The following EMC2 variants were observed in gnomAD, a reference collection of about 807,000 sequenced individuals.
The protein encoded by EMC2 is ER membrane protein complex subunit 2, also known as TPR repeat protein 35.
A neutral mutation model predicts 51.6 loss-of-function variants in EMC2; 37 were observed. The ratio of observed to expected loss-of-function variants is 0.72; its 90% CI spans 0.55 to 0.94. The LOEUF (loss-of-function observed/expected upper bound fraction) is 0.94, where lower values mean the gene tolerates loss of function less well. EMC2 is among the 40% of genes least tolerant of loss of function. The pLI is 0.00. For missense variants in EMC2, 359 were observed against 350.9 expected (o/e 1.02, Z -0.18); for synonymous variants, 131 against 112.4 (o/e 1.17, Z -1.04).
At chr8:108,449,126 T>C (rs1818951260) in intron 1 of EMC2, among the ~76,000 whole-genome samples, 1 of 152,178 alleles carries the variant, frequency 6.6e-6, no homozygotes, top group Non-Finnish European at 1.5e-5. Flanking sequence ...TTTTTCAACC[T>C]TTAAGAGACA....
chr8:108,472,456 GATA>G (rs1407988853), intron 7 of EMC2, among the ~76,000 whole-genome samples: 1 of 151,096 alleles, frequency 6.6e-6, no homozygotes, highest in Admixed American at 6.6e-5. Context: ...TAGAGAAAAT[GATA>G]ATTATGGTCA....
intron 10 of EMC2, among the ~76,000 whole-genome samples, chr8:108,481,202 G>A (rs1408388953): frequency 6.6e-6 from 1 of 152,012 alleles, no homozygotes; most frequent in Non-Finnish European, 1.5e-5. Context: ...TTTGTTGTTC[G>A]TTTTTGCCCT....
In EMC2 at chr8:108,456,033, AATTTTTAATTAAAAAATATTTTT is replaced by A. The variant is rs1238525088; in HGVS notation, c.363+114_363+136del. 9 of 363,166 alleles carry A rather than the reference AATTTTTAATTAAAAAATATTTTT, an allele frequency of 2.5e-5. 1 individual carries two copies. The highest frequency in any genetic ancestry group is 4.3e-5 in the African/African-American group (2 of 46,194). The allele number at this position is 363,166 out of a possible 1,614,324, so 22.5% of individuals were successfully genotyped here. A position where few individuals can be genotyped will look rare whatever the true frequency, so the allele number is the denominator to read the frequency against. On this transcript the variant is annotated intron_variant, in intron 5 of 10. Transcript: ENST00000220853. ...ATAAGGAACTAGGTCTTATATTTTT[AATTTTTAATTAAAAAATATTTTT>A]ATTTTTAATTTTAAATAGTTCATGA...
intron 3 of EMC2, 83 bp from the exon 4 acceptor site, chr8:108,452,979 A>G: frequency 1.9e-6 from 1 of 525,584 alleles, no homozygotes; most frequent in Non-Finnish European, 3.3e-6. Flanking sequence ...ATTCAAGAAG[A>G]CACATTGAAG....
At chr8:108,468,697 A>G (rs1474486665) in intron 5 of EMC2, among the ~76,000 whole-genome samples, 2 of 152,210 alleles carry the variant, frequency 1.3e-5, no homozygotes, top group Admixed American at 6.5e-5. Context: ...CTTGTGGAAT[A>G]TTATATCAAC....
chr8:108,478,936 C>T (rs990269550), intron 9 of EMC2, 70 bp from the exon 10 acceptor site: 21 of 696,334 alleles, frequency 3.0e-5, no homozygotes, highest in Non-Finnish European at 4.1e-5. Flanking sequence ...GCAACCATGT[C>T]CCTTATGTTT....
At chr8:108,470,593 T>TA (rs1489238671) in intron 7 of EMC2, among the ~76,000 whole-genome samples, 1 of 152,128 alleles carries the variant, frequency 6.6e-6, no homozygotes, top group African/African-American at 2.4e-5. Flanking sequence ...GTTGCCTGGG[T>TA]AAAAAACTGA....
intron 5 of EMC2, among the ~76,000 whole-genome samples, chr8:108,468,540 C>T (rs888773698): frequency 2.0e-5 from 3 of 151,924 alleles, no homozygotes; most frequent in African/African-American, 7.3e-5. Context: ...ATATTATAAA[C>T]ATTGCTCTGA....
At chr8:108,456,520 A>G (rs1298324908) in intron 5 of EMC2, among the ~76,000 whole-genome samples, 2 of 152,086 alleles carry the variant, frequency 1.3e-5, no homozygotes, top group South Asian at 2.1e-4. Context: ...AGCCATTTCA[A>G]TAATTAGTAT....
chr8:108,469,974 A>G, intron 6 of EMC2, 63 bp downstream of exon 6: 1 of 1,536,034 alleles, frequency 6.5e-7, no homozygotes, highest in Non-Finnish European at 9.0e-7. Flanking sequence ...ATTAAAATGG[A>G]ATTTGCATTT....
Position 108,455,903 on chromosome 8 carries a change from G to T in EMC2, c.336G>T (p.Arg112Ser). 1 of 1,370,058 alleles carries T rather than the reference G, an allele frequency of 7.3e-7. No individual in the cohort carries two copies. The highest frequency in any genetic ancestry group is 1.4e-5 in the South Asian group (1 of 70,164). 84.9% of individuals were successfully genotyped at this position (1,370,058 alleles called of 1,614,324 possible). A position where few individuals can be genotyped will look rare whatever the true frequency, so the allele number is the denominator to read the frequency against. The change falls in exon 5 of 11, where the codon AGG becomes AGT. Residue 112 changes from arginine to serine, a missense_variant. Transcript: ENST00000220853. The part of the protein sequence containing the change: ...RYDDAIQLYD[R>S]ILQEDPTNTA... ...ATGATGCTATACAGCTATATGATAG[G>T]ATTTTACAAGAAGATCCAACTAACA...
In EMC2 at chr8:108,460,193, A is replaced by G. The variant is rs369474088; in HGVS notation, c.363+4263A>G. On this transcript the variant is annotated intron_variant, in intron 5 of 10. Coordinates refer to ENST00000220853, the MANE Select transcript of EMC2 (RefSeq NM_014673.5). ...TTAAAAATCGATGGAATTTAAGTCA[A>G]TTTTGGAATTAGGAGTACAATATTT... Among the ~76,000 whole-genome samples the G allele has an allele frequency of 8.5e-5, 13 of 152,360 alleles. No individual in the cohort carries two copies. In the East Asian group the frequency reaches 9.6e-4, roughly 11 times the overall value.
chr8:108,451,096 T>C (rs1307245179), intron 3 of EMC2, among the ~76,000 whole-genome samples: 1 of 151,526 alleles, frequency 6.6e-6, no homozygotes, highest in Non-Finnish European at 1.5e-5. Context: ...CCAGCTACTC[T>C]GGGGGCTGAG....
chr8:108,453,251 T>C, intron 4 of EMC2, 104 bp downstream of exon 4: 1 of 494,270 alleles, frequency 2.0e-6, no homozygotes, highest in Non-Finnish European at 3.6e-6. Flanking sequence ...GAATACTGTC[T>C]CAATATGGCT....
intron 3 of EMC2, 40 bp downstream of exon 3, chr8:108,450,532 C>T (rs779782870): frequency 4.4e-6 from 5 of 1,147,598 alleles, no homozygotes; most frequent in East Asian, 4.7e-5. Flanking sequence ...TTTGCTTCAT[C>T]AATTGTATAC....
At chr8:108,470,521 A>G (rs183466333) in intron 7 of EMC2, among the ~76,000 whole-genome samples, 15 of 152,272 alleles carry the variant, frequency 9.9e-5, no homozygotes, top group Admixed American at 3.9e-4. Context: ...AATTCTGTCA[A>G]TTGTATGCAT....
intron 3 of EMC2, among the ~76,000 whole-genome samples, chr8:108,450,752 C>T (rs1198620528): frequency 6.6e-6 from 1 of 152,116 alleles, no homozygotes; most frequent in African/African-American, 2.4e-5. Flanking sequence ...GTGACTTATC[C>T]TATTTTATAG....
chr8:108,449,337 G>A (rs373627719), intron 1 of EMC2, among the ~76,000 whole-genome samples: 32 of 150,462 alleles, frequency 2.1e-4, no homozygotes, highest in East Asian at 9.8e-4. Context: ...GCAGTGGCAC[G>A]ATCTCGGCTC....
intron 7 of EMC2, chr8:108,474,551 G>A (rs1484356344): frequency 2.9e-5 from 2 of 70,128 alleles, no homozygotes; most frequent in Non-Finnish European, 2.6e-5. Flanking sequence ...TCTTGGATGA[G>A]AGTACACACA....
Sources: allele counts gnomAD v4.1 joint callset (sites outside exome capture counted in the v4.1 genomes callset), GRCh38; gene constraint gnomAD v4.1.1; transcripts MANE v1.5; gene names NCBI Gene and HGNC (gene_info 2026-07-23, HGNC 2026-07-21).